Variants in METTL15 observed in about 807,000 individuals in gnomAD.
The protein encoded by METTL15 is methyltransferase 15, mitochondrial 12S rRNA N4-cytidine, also known as 12S rRNA N(4)-cytidine methyltransferase METTL15.
METTL15 carries 34 observed loss-of-function variants against 38.3 expected under a neutral mutation model. The observed-to-expected ratio is 0.89, with a 90% CI of 0.68 to 1.18. The LOEUF (loss-of-function observed/expected upper bound fraction) is 1.18, where lower values mean the gene tolerates loss of function less well. Ranked by LOEUF, METTL15 falls within the 50% of genes most tolerant of loss-of-function variation. METTL15 has a pLI of 0.00. For missense variants in METTL15, 438 were observed against 498.4 expected (o/e 0.88, Z 1.15); for synonymous variants, 162 against 170.9 (o/e 0.95, Z 0.41).
chr11:28,146,795 A>G (rs1449799224), intron 3 of METTL15, among the ~76,000 whole-genome samples: 2 of 152,072 alleles, frequency 1.3e-5, no homozygotes, highest in East Asian at 3.9e-4. Context: ...AATAAAAAAC[A>G]AATTAAGTGG....
chr11:28,320,426 G>T (rs1849425923), intron 6 of METTL15, among the ~76,000 whole-genome samples: 1 of 151,908 alleles, frequency 6.6e-6, no homozygotes. Flanking sequence ...TGGGTGTGGT[G>T]GTGCTCACCT....
At position 28,482,342 on chromosome 11, in the gene METTL15, T is replaced by C. The variant is rs967790911; in HGVS notation, c.*425-44136T>C. ...TATCATGTTTGGAATTGCAGTTCTT[T>C]TACTTCCTAGCTGTAGATCTTAGGC... On this transcript the variant is annotated intron_variant and NMD_transcript_variant, in intron 6 of 7. Coordinates refer to the METTL15 transcript ENST00000532947. Among the ~76,000 whole-genome samples, 12 of 152,306 alleles carry C rather than the reference T, an allele frequency of 7.9e-5. No individual in the cohort carries two copies. The East Asian group carries it at 2.3e-3, about 29-fold the overall frequency.
chr11:28,330,903 A>G lies in METTL15; in HGVS notation c.*62A>G, dbSNP rs1187267399. The G allele has an allele frequency of 2.3e-5, 28 of 1,192,214 alleles. No individual in the cohort carries two copies. Among genetic ancestry groups the G allele is most frequent in the African/African-American group, 3.1e-5 (2 of 64,474 alleles). The allele number at this position is 1,192,214 out of a possible 1,614,324, so 73.9% of individuals were successfully genotyped here. A position where few individuals can be genotyped will look rare whatever the true frequency, so the allele number is the denominator to read the frequency against. On this transcript the variant is annotated 3_prime_UTR_variant, in exon 7 of 7. Transcript: ENST00000407364. ...AATTTCTCTAATCTTTACTCATGTTATGTCCCTGAATGTCTTGGTATAGGT... is the reference window on the plus strand; with the variant it reads ...AATTTCTCTAATCTTTACTCATGTTGTGTCCCTGAATGTCTTGGTATAGGT...
intron 4 of METTL15, among the ~76,000 whole-genome samples, chr11:28,215,274 T>C (rs1220325205): frequency 3.3e-5 from 5 of 152,102 alleles, no homozygotes; most frequent in Non-Finnish European, 7.4e-5. Context: ...GTGGGGGAAG[T>C]TAGATTAATA....
chr11:28,397,979 A>G (rs569281526), intron 5 of METTL15, among the ~76,000 whole-genome samples: 1 of 152,114 alleles, frequency 6.6e-6, no homozygotes, highest in African/African-American at 2.4e-5. Flanking sequence ...TCAGCAAACT[A>G]TCACAAGGAC....
intron 4 of METTL15, among the ~76,000 whole-genome samples, chr11:28,279,995 A>G (rs1855993698): frequency 6.6e-6 from 1 of 151,706 alleles, no homozygotes; most frequent in Non-Finnish European, 1.5e-5. Flanking sequence ...AGGACCTTGG[A>G]TCATGTTAAC....
At chr11:28,125,785 T>C (rs1213876573) in intron 3 of METTL15, 1 of 152,130 alleles carries the variant, frequency 6.6e-6, no homozygotes, top group Non-Finnish European at 1.5e-5. Context: ...GGATAAAAAA[T>C]CTTCTAAAAT....
chr11:28,457,657 T>A (rs1432746125), intron 6 of METTL15, among the ~76,000 whole-genome samples: 1 of 152,164 alleles, frequency 6.6e-6, no homozygotes, highest in Non-Finnish European at 1.5e-5. Flanking sequence ...CCTATAGGAA[T>A]CAACTGCCAC....
chr11:28,474,495 T>C (rs1851328573), intron 6 of METTL15, among the ~76,000 whole-genome samples: 1 of 152,130 alleles, frequency 6.6e-6, no homozygotes, highest in Non-Finnish European at 1.5e-5. Context: ...CTCCTAAAAA[T>C]AGCTGAAGGT....
At chr11:28,220,929 A>C (rs1263376025) in intron 4 of METTL15, among the ~76,000 whole-genome samples, 2 of 152,156 alleles carry the variant, frequency 1.3e-5, no homozygotes, top group Non-Finnish European at 2.9e-5. Context: ...CGGAGAGATC[A>C]ACTGTTAGTC....
intron 4 of METTL15, among the ~76,000 whole-genome samples, chr11:28,270,114 A>G (rs1172892594): frequency 6.6e-6 from 1 of 152,206 alleles, no homozygotes; most frequent in Non-Finnish European, 1.5e-5. Context: ...GTTATGAATT[A>G]TCTGCTTAGT....
intron 3 of METTL15, among the ~76,000 whole-genome samples, chr11:28,134,034 G>A (rs1849431273): frequency 6.6e-6 from 1 of 152,110 alleles, no homozygotes; most frequent in African/African-American, 2.4e-5. Context: ...ATGGAGGTTT[G>A]GGAAAAGCTT....
intron 6 of METTL15, among the ~76,000 whole-genome samples, chr11:28,429,275 A>G (rs1292042780): frequency 1.3e-5 from 2 of 152,106 alleles, no homozygotes; most frequent in Non-Finnish European, 2.9e-5. Flanking sequence ...ACAATTAAAG[A>G]AGATCGAAAG....
chr11:28,173,261 G>C (rs1349562829), intron 3 of METTL15, among the ~76,000 whole-genome samples: 1 of 152,122 alleles, frequency 6.6e-6, no homozygotes, highest in Non-Finnish European at 1.5e-5. Context: ...TAAGAGGTGG[G>C]ACCTTTGGGA....
At chr11:28,485,173 A>G (rs2133476575) in intron 6 of METTL15, among the ~76,000 whole-genome samples, 2 of 152,102 alleles carry the variant, frequency 1.3e-5, no homozygotes, top group African/African-American at 4.8e-5. Context: ...TGGCATGGGC[A>G]TTCTTGTTTC....
intron 5 of METTL15, among the ~76,000 whole-genome samples, chr11:28,391,257 C>T (rs1404083122): frequency 6.6e-6 from 1 of 152,082 alleles, no homozygotes; most frequent in Non-Finnish European, 1.5e-5. Context: ...CCAGAACTTC[C>T]CACACTATAT....
intron 3 of METTL15, among the ~76,000 whole-genome samples, chr11:28,194,212 T>TC (rs1851823445): frequency 1.5e-5 from 2 of 135,390 alleles, no homozygotes; most frequent in Admixed American, 7.6e-5. Flanking sequence ...TCTCTCTCTC[T>TC]TAATATATGG....
intron 3 of METTL15, among the ~76,000 whole-genome samples, chr11:28,183,808 G>A (rs972100308): frequency 6.6e-6 from 1 of 151,930 alleles, no homozygotes; most frequent in African/African-American, 2.4e-5. Flanking sequence ...TTTTTCTTTT[G>A]TTTGGAATAG....
At chr11:28,375,696 T>C (rs970997554) in intron 5 of METTL15, among the ~76,000 whole-genome samples, 6 of 152,154 alleles carry the variant, frequency 3.9e-5, no homozygotes, top group African/African-American at 1.4e-4. Flanking sequence ...AGTTATTTCT[T>C]GCCTTCTGCT....
Sources: gnomAD v4.1 joint callset for allele counts (sites outside exome capture counted in the v4.1 genomes callset) on GRCh38, gnomAD v4.1.1 for gene constraint, MANE v1.5 for transcripts, NCBI Gene and HGNC (gene_info 2026-07-23, HGNC 2026-07-21) for gene names.